NBAS: variants seen among roughly 807,000 people sequenced by gnomAD.
NBAS encodes NBAS subunit of NRZ tethering complex, also known as NAG/BC035112 fusion.
A neutral mutation model predicts 302.5 loss-of-function variants in NBAS; 219 were observed. The ratio of observed to expected loss-of-function variants is 0.72; its 90% CI spans 0.65 to 0.81. The LOEUF (loss-of-function observed/expected upper bound fraction) is 0.81, where lower values mean the gene tolerates loss of function less well. Among genes scored for constraint, NBAS ranks in the 30% least tolerant of loss-of-function variants. The pLI, the probability that NBAS is intolerant of heterozygous loss-of-function variation, is 0.00. For missense variants in NBAS, 2,932 were observed against 2,841.6 expected, an observed-to-expected ratio of 1.03 and a Z score of -0.72; for synonymous variants, 1,118 against 1,021.6, an observed-to-expected ratio of 1.09 and a Z score of -1.80.
At chr2:14,802,988 A>C in the NBAS span, among the ~76,000 whole-genome samples, 1 of 151,174 alleles carries the variant, frequency 6.6e-6, no homozygotes. Flanking sequence ...ATGTATACAT[A>C]TGTAACTAAC....
At chr2:15,211,424 T>C (rs1666405449) in intron 48 of NBAS, among the ~76,000 whole-genome samples, 1 of 152,254 alleles carries the variant, frequency 6.6e-6, no homozygotes, top group African/African-American at 2.4e-5. Context: ...TGTTAATATT[T>C]AATGAATCTG....
At chr2:15,331,364 A>G (rs916824458) in intron 35 of NBAS, among the ~76,000 whole-genome samples, 1 of 152,238 alleles carries the variant, frequency 6.6e-6, no homozygotes. Flanking sequence ...AGATTCCACG[A>G]GGAGAAAATG....
chr2:15,528,878 AATATAT>A (rs57028015), intron 9 of NBAS, among the ~76,000 whole-genome samples: 2 of 121,544 alleles, frequency 1.6e-5, no homozygotes, highest in African/African-American at 5.9e-5. Context: ...AAAAAAAAAA[AATATAT>A]ATATATATAT....
intron 4 of NBAS, 123 bp from the exon 5 acceptor site, chr2:15,553,596 A>T (rs1664484234): frequency 1.1e-6 from 1 of 916,658 alleles, no homozygotes; most frequent in African/African-American, 1.7e-5. Context: ...TGCTTTAATT[A>T]TCCATCTTTT....
chr2:14,879,424 G>A, the NBAS span, among the ~76,000 whole-genome samples: 1 of 152,126 alleles, frequency 6.6e-6, no homozygotes, highest in Non-Finnish European at 1.5e-5. Flanking sequence ...TTCAATTCAG[G>A]AGAAAATTGT....
downstream of NBAS, among the ~76,000 whole-genome samples, chr2:15,162,358 A>C (rs897181971): frequency 1.3e-5 from 2 of 152,198 alleles, no homozygotes; most frequent in African/African-American, 2.4e-5. Flanking sequence ...TGAACCACAC[A>C]TCCTAGCTCC....
intron 11 of NBAS, among the ~76,000 whole-genome samples, chr2:15,492,551 G>C (rs755506393): frequency 2.6e-5 from 4 of 152,056 alleles, no homozygotes; most frequent in Non-Finnish European, 5.9e-5. Flanking sequence ...CTGCCTCCCA[G>C]GCTCAAGTGA....
At chr2:14,973,278 C>A in the NBAS span, among the ~76,000 whole-genome samples, 1 of 152,170 alleles carries the variant, frequency 6.6e-6, no homozygotes, top group East Asian at 1.9e-4. Context: ...AAGTTATAAA[C>A]CCTGCTGTAT....
the NBAS span, among the ~76,000 whole-genome samples, chr2:14,782,803 G>GC: frequency 6.6e-6 from 1 of 152,194 alleles, no homozygotes; most frequent in Admixed American, 6.5e-5. Context: ...CATGTCCTTT[G>GC]CAGGGACATG....
At chr2:14,874,960 T>C in the NBAS span, among the ~76,000 whole-genome samples, 2 of 151,988 alleles carry the variant, frequency 1.3e-5, no homozygotes, top group East Asian at 3.9e-4. Flanking sequence ...CATTCATTCA[T>C]GATAGAAACT....
At chr2:14,841,768 T>C in the NBAS span, among the ~76,000 whole-genome samples, 1 of 151,932 alleles carries the variant, frequency 6.6e-6, no homozygotes, top group Admixed American at 6.6e-5. Flanking sequence ...CCATTTTCAG[T>C]AATGGTCAGA....
chr2:15,213,342 T>C (rs556397127), intron 48 of NBAS, among the ~76,000 whole-genome samples: 4 of 152,370 alleles, frequency 2.6e-5, no homozygotes, highest in East Asian at 3.9e-4. Flanking sequence ...CATTTTTCAA[T>C]ATTTTAATTA....
rs1392767539 is a variant in NBAS, at chr2:15,178,844, G to A, written c.6840+144C>T. The A allele has an allele frequency of 2.5e-6, 3 of 1,180,256 alleles. No homozygotes were observed. In the East Asian group the frequency reaches 7.8e-5, roughly 31 times the overall value. 73.1% of individuals were successfully genotyped at this position (1,180,256 alleles called of 1,614,324 possible). ...AACATACACTGCTGGGACAAAACAG[G>A]AACAGCTATTGTGGTCAGAGAATAC... On this transcript the variant is annotated intron_variant, in intron 51 of 51. Transcript: ENST00000281513.
intron 40 of NBAS, among the ~76,000 whole-genome samples, chr2:15,305,823 G>A (rs1462599978): frequency 6.6e-6 from 1 of 152,196 alleles, no homozygotes; most frequent in East Asian, 1.9e-4. Flanking sequence ...GAAAGGTACA[G>A]CATGGGGTAG....
chr2:15,419,994 A>G (rs2111456), intron 23 of NBAS, among the ~76,000 whole-genome samples: 93,028 of 151,996 alleles, frequency 0.61, 29,409 homozygotes, highest in Non-Finnish European at 0.68. Context: ...TTACAGGCAT[A>G]AGTCACCATG....
intron 9 of NBAS, among the ~76,000 whole-genome samples, chr2:15,529,990 T>C (rs1663145363): frequency 6.6e-6 from 1 of 152,222 alleles, no homozygotes; most frequent in Admixed American, 6.5e-5. Flanking sequence ...TAACTTCACA[T>C]ATCAACATTC....
At chr2:15,102,977 GAGGAAGGAAGGAAGGAAGGA>G in the NBAS span, among the ~76,000 whole-genome samples, 40 of 95,460 alleles carry the variant, frequency 4.2e-4, 1 homozygote, top group Admixed American at 2.3e-3. Context: ...AGGCATTAAG[GAGGAAGGAAGGAAGGAAGGA>G]AGGAAGGAAG....
At chr2:15,176,028 G>A (rs1211470615) in intron 51 of NBAS, among the ~76,000 whole-genome samples, 1 of 152,170 alleles carries the variant, frequency 6.6e-6, no homozygotes, top group Non-Finnish European at 1.5e-5. Flanking sequence ...CAACCAATAA[G>A]GGGAAAACTG....
intron 19 of NBAS, among the ~76,000 whole-genome samples, chr2:15,466,347 A>C (rs1298752161): frequency 6.6e-6 from 1 of 152,190 alleles, no homozygotes; most frequent in Admixed American, 6.5e-5. Flanking sequence ...AAGTGAAGTC[A>C]AACTTCAATA....
Sources: allele counts gnomAD v4.1 joint callset (sites outside exome capture counted in the v4.1 genomes callset), GRCh38; gene constraint gnomAD v4.1.1; transcripts MANE v1.5; gene names NCBI Gene and HGNC (gene_info 2026-07-23, HGNC 2026-07-21).